Variants in DNAH8 observed in about 807,000 individuals in gnomAD.
DNAH8 encodes the protein axonemal beta dynein heavy chain 8.
A neutral mutation model predicts 562.1 loss-of-function variants in DNAH8; 382 were observed. The ratio of observed to expected loss-of-function variants is 0.68; its 90% CI spans 0.63 to 0.74. The LOEUF (loss-of-function observed/expected upper bound fraction) is 0.74. Among genes scored for constraint, DNAH8 ranks in the 30% least tolerant of loss-of-function variants. The probability of loss-of-function intolerance (pLI) is 0.00; values close to 1 mark genes in which losing one functional copy is unlikely to be tolerated. For missense variants in DNAH8, 5,203 were observed against 5,620.4 expected (o/e 0.93, Z 2.37); for synonymous variants, 1,881 against 1,919.4 (o/e 0.98, Z 0.52).
chr6:38,748,793 T>TAATA (rs1765178872), intron 8 of DNAH8, among the ~76,000 whole-genome samples: 1 of 70,862 alleles, frequency 1.4e-5, no homozygotes, highest in African/African-American at 5.7e-5. Context: ...AATAATAATA[T>TAATA]AACATTTATT....
chr6:38,740,945 T>A (rs1172792861), intron 7 of DNAH8, among the ~76,000 whole-genome samples: 1 of 152,236 alleles, frequency 6.6e-6, no homozygotes, highest in Non-Finnish European at 1.5e-5. Flanking sequence ...TGTAGCAAAC[T>A]ATATCATCTG....
intron 70 of DNAH8, among the ~76,000 whole-genome samples, chr6:38,919,759 G>C (rs1468745980): frequency 6.6e-6 from 1 of 152,046 alleles, no homozygotes; most frequent in Non-Finnish European, 1.5e-5. Context: ...TCCTAATTAG[G>C]AAATGATGAA....
chr6:38,960,084 C>T (rs780568962), intron 82 of DNAH8, among the ~76,000 whole-genome samples: 2 of 152,048 alleles, frequency 1.3e-5, no homozygotes, highest in East Asian at 1.9e-4. Flanking sequence ...TGAAACTAGA[C>T]CCTATCTCTC....
chr6:39,020,247 G>A (rs951179591), intron 91 of DNAH8, among the ~76,000 whole-genome samples: 1 of 152,196 alleles, frequency 6.6e-6, no homozygotes, highest in African/African-American at 2.4e-5. Context: ...AGGGGCCCTG[G>A]AAAGAGTCAG....
intron 62 of DNAH8, among the ~76,000 whole-genome samples, chr6:38,901,285 T>C (rs1241756191): frequency 1.3e-5 from 2 of 152,202 alleles, no homozygotes; most frequent in African/African-American, 4.8e-5. Context: ...TATTTTCCTA[T>C]GATTTTCTTC....
chr6:38,775,071 C>G (rs1473414791), intron 12 of DNAH8, among the ~76,000 whole-genome samples: 6 of 152,122 alleles, frequency 3.9e-5, no homozygotes, highest in Non-Finnish European at 1.5e-5. Flanking sequence ...AGGTTTATTC[C>G]CTTTCTGGCC....
Position 38,929,685 on chromosome 6 carries a change from A to C in DNAH8, c.11274+19A>C. 1 of 1,514,080 alleles carries C rather than the reference A, an allele frequency of 6.6e-7. No homozygotes were observed. The highest frequency in any genetic ancestry group is 8.8e-7 in the Non-Finnish European group (1 of 1,137,136). 93.8% of individuals were successfully genotyped at this position (1,514,080 alleles called of 1,614,324 possible). A position where few individuals can be genotyped will look rare whatever the true frequency, so the allele number is the denominator to read the frequency against. On this transcript the variant is annotated intron_variant, in intron 75 of 92. Transcript: ENST00000327475. ...TTTCAAGGTGAGCTTTGTAAAAAAA[A>C]AAAAAAAGAAAGAAAGAAAGAAAAG...
intron 85 of DNAH8, among the ~76,000 whole-genome samples, chr6:38,977,830 A>G (rs2150704136): frequency 6.6e-6 from 1 of 152,308 alleles, no homozygotes; most frequent in East Asian, 1.9e-4. Context: ...AAATGTCTTA[A>G]GTGGTCTTCT....
chr6:38,945,149 AT>A (rs1344043512), intron 79 of DNAH8, among the ~76,000 whole-genome samples: 4 of 152,210 alleles, frequency 2.6e-5, no homozygotes, highest in Non-Finnish European at 5.9e-5. Flanking sequence ...CAACATATTC[AT>A]TGATATCAAA....
intron 17 of DNAH8, among the ~76,000 whole-genome samples, chr6:38,784,561 C>T (rs1365832269): frequency 6.6e-6 from 1 of 152,164 alleles, no homozygotes; most frequent in Non-Finnish European, 1.5e-5. Context: ...TACCTTGTGT[C>T]CCCTACACCT....
At chr6:39,004,860 A>G (rs1004329603) in intron 88 of DNAH8, among the ~76,000 whole-genome samples, 4 of 152,206 alleles carry the variant, frequency 2.6e-5, no homozygotes, top group Non-Finnish European at 5.9e-5. Flanking sequence ...GCGTATATTA[A>G]TACTTCCTTG....
rs1406342792 is a variant in DNAH8, at chr6:39,028,893, G to A, written c.13837-1212G>A. On this transcript the variant is annotated intron_variant, in intron 92 of 92. Coordinates refer to ENST00000327475, the MANE Select transcript of DNAH8 (RefSeq NM_001206927.2). ...GGTTCAAAAAACACAGTCCTCACAC[G>A]GTGAGCCCCCACAGGGGGATTCCAG... is the stretch of plus-strand genomic sequence containing the variant. 1.9e-4 allele frequency among the ~76,000 whole-genome samples: 29 copies of A among 152,178 alleles called. 1 individual carries two copies. Among genetic ancestry groups the A allele is most frequent in the Admixed American group, 1.8e-3 (28 of 15,298 alleles).
intron 88 of DNAH8, among the ~76,000 whole-genome samples, chr6:38,992,286 T>C (rs1015880184): frequency 3.3e-5 from 5 of 152,186 alleles, no homozygotes; most frequent in Admixed American, 3.3e-4. Context: ...TACACTTTAA[T>C]TACTGATTTG....
At chr6:38,873,426 A>T (rs1190715955) in intron 52 of DNAH8, 50 bp downstream of exon 52, 1 of 1,497,480 alleles carries the variant, frequency 6.7e-7, no homozygotes, top group East Asian at 2.3e-5. Context: ...TTTTTTTTTC[A>T]CTCAGTTGCA....
At chr6:38,988,455 C>A (rs924390250) in intron 87 of DNAH8, among the ~76,000 whole-genome samples, 2 of 152,264 alleles carry the variant, frequency 1.3e-5, no homozygotes, top group Admixed American at 1.3e-4. Context: ...GCCTTTGCCC[C>A]CTTAGGGTGT....
intron 89 of DNAH8, 121 bp downstream of exon 89, chr6:39,009,091 G>T: frequency 1.6e-6 from 1 of 636,408 alleles, no homozygotes. Context: ...TTACCTGTGT[G>T]AAAAATTTTG....
At chr6:38,773,800 A>C (rs1678655) in intron 12 of DNAH8, among the ~76,000 whole-genome samples, 38,666 of 152,040 alleles carry the variant, frequency 0.25, 5,490 homozygotes, top group East Asian at 0.46. Context: ...CGGAAGGGGC[A>C]ACTGTTTGAC....
chr6:38,724,509 T>C (rs572111110), intron 3 of DNAH8, among the ~76,000 whole-genome samples: 36 of 152,278 alleles, frequency 2.4e-4, no homozygotes, highest in Non-Finnish European at 4.7e-4. Flanking sequence ...GACTATTGTA[T>C]GAGTATACGG....
At chr6:38,732,329 G>A (rs1196779583) in intron 4 of DNAH8, among the ~76,000 whole-genome samples, 2 of 152,180 alleles carry the variant, frequency 1.3e-5, no homozygotes, top group African/African-American at 4.8e-5. Context: ...TATCCTGGGG[G>A]CCAGGGAGGC....
Sources: allele counts gnomAD v4.1 joint callset (sites outside exome capture counted in the v4.1 genomes callset), GRCh38; gene constraint gnomAD v4.1.1; transcripts MANE v1.5; gene names NCBI Gene and HGNC (gene_info 2026-07-23, HGNC 2026-07-21).